The following RBM47 variants were observed in gnomAD, a reference collection of about 807,000 sequenced individuals.
RBM47 encodes RNA-binding protein 47.
Under a neutral mutation model 47.1 loss-of-function variants are expected in RBM47, and 21 were observed. That is an observed-to-expected ratio of 0.45 (90% confidence interval 0.32 to 0.64). The LOEUF (loss-of-function observed/expected upper bound fraction) is 0.64. Ranked by LOEUF, RBM47 falls within the 30% of genes least tolerant of loss-of-function variation. The pLI, the probability that RBM47 is intolerant of heterozygous loss-of-function variation, is 0.05. For missense variants in RBM47, 708 were observed against 870.9 expected, an observed-to-expected ratio of 0.81 and a Z score of 2.35; for synonymous variants, 375 against 361.7, an observed-to-expected ratio of 1.04 and a Z score of -0.42.
At chr4:40,593,933 C>T (rs1452641202) in intron 1 of RBM47, among the ~76,000 whole-genome samples, 1 of 151,006 alleles carries the variant, frequency 6.6e-6, no homozygotes. Flanking sequence ...GCCTGTAATC[C>T]CAGCTACTCA....
In RBM47 at chr4:40,432,539, G is replaced by A. The variant is rs1051371940; in HGVS notation, c.1542+112C>T. ...AAATGCTTTGTGTCACCCAACCATA[G>A]CTGTAACAGAGAGCCAGGCACACAG... On this transcript the variant is annotated intron_variant, in intron 6 of 6. Coordinates refer to ENST00000295971, the MANE Select transcript of RBM47 (RefSeq NM_001098634.2). 1.0e-5 allele frequency: 16 copies of A among 1,527,402 alleles called. No individual in the cohort carries two copies. In the East Asian group the frequency reaches 1.2e-4, roughly 11 times the overall value. 94.6% of individuals were successfully genotyped at this position (1,527,402 alleles called of 1,614,324 possible).
intron 3 of RBM47, among the ~76,000 whole-genome samples, chr4:40,450,098 G>A (rs1325312429): frequency 5.3e-5 from 8 of 152,136 alleles, no homozygotes; most frequent in African/African-American, 1.4e-4. Flanking sequence ...CCGGGCCAAC[G>A]TTTTTCCAAT....
chr4:40,464,951 G>T (rs1388880379), intron 3 of RBM47, among the ~76,000 whole-genome samples: 1 of 143,670 alleles, frequency 7.0e-6, no homozygotes, highest in Non-Finnish European at 1.5e-5. Context: ...CAAAATCAGA[G>T]TAAATACACC....
intron 1 of RBM47, among the ~76,000 whole-genome samples, chr4:40,610,774 G>A (rs911127938): frequency 2.6e-5 from 4 of 152,044 alleles, no homozygotes; most frequent in East Asian, 1.9e-4. Flanking sequence ...CATGGGGGCC[G>A]GTCTTTTCCA....
intron 2 of RBM47, among the ~76,000 whole-genome samples, chr4:40,512,995 G>C (rs2154254047): frequency 6.6e-6 from 1 of 152,284 alleles, no homozygotes; most frequent in Admixed American, 6.5e-5. Context: ...GTAGTGAAAT[G>C]ACTTTCTGCT....
intron 2 of RBM47, among the ~76,000 whole-genome samples, chr4:40,470,419 G>A (rs1002662789): frequency 6.6e-6 from 1 of 152,118 alleles, no homozygotes. Context: ...CACATGGGGG[G>A]ACTTGAGGGC....
chr4:40,438,881 C>A lies in RBM47; in HGVS notation c.13G>T (p.Asp5Tyr). The change falls in exon 4 of 7, where the codon GAT becomes TAT. Residue 5 changes from aspartate to tyrosine, a missense_variant. Transcript: ENST00000295971. ...TCACTGCTCATGGCTGCGGTGGAAT[C>A]CTCTGCGGTCATAATGTCAAAGGCA... MTAE[D>Y]STAAMSSDSA... 6.4e-7 allele frequency: 1 copy of A among 1,550,660 alleles called. No homozygotes were observed. Among genetic ancestry groups the A allele is most frequent in the Non-Finnish European group, 8.7e-7 (1 of 1,153,966 alleles).
At chr4:40,449,540 C>A (rs561091048) in intron 3 of RBM47, among the ~76,000 whole-genome samples, 6 of 152,292 alleles carry the variant, frequency 3.9e-5, no homozygotes, top group South Asian at 4.1e-4. Context: ...CCTGAGAATG[C>A]GGCCTTTTGC....
intron 2 of RBM47, among the ~76,000 whole-genome samples, chr4:40,530,005 G>A (rs1164995655): frequency 8.0e-6 from 1 of 124,352 alleles, no homozygotes; most frequent in Non-Finnish European, 1.6e-5. Flanking sequence ...GTGTGATCTC[G>A]GCTCACTGCA....
At chr4:40,430,685 G>A (rs1011051780) in intron 6 of RBM47, among the ~76,000 whole-genome samples, 11 of 152,184 alleles carry the variant, frequency 7.2e-5, no homozygotes, top group African/African-American at 1.9e-4. Flanking sequence ...AGGGTCACAG[G>A]CCTGGCTCTG....
chr4:40,476,487 T>C (rs1253836590), intron 2 of RBM47, among the ~76,000 whole-genome samples: 1 of 151,568 alleles, frequency 6.6e-6, no homozygotes, highest in East Asian at 2.0e-4. Context: ...TCATAAGAAG[T>C]GGAGACAAGT....
intron 6 of RBM47, among the ~76,000 whole-genome samples, chr4:40,428,344 T>C (rs949965874): frequency 1.6e-4 from 24 of 152,190 alleles, no homozygotes; most frequent in African/African-American, 4.3e-4. Context: ...TGTGGAAGTG[T>C]TAAATGACCT....
chr4:40,459,099 A>T (rs1716717050), intron 3 of RBM47, among the ~76,000 whole-genome samples: 1 of 152,236 alleles, frequency 6.6e-6, no homozygotes, highest in African/African-American at 2.4e-5. Flanking sequence ...GTGATTTTAG[A>T]TATTAAAGGC....
At chr4:40,480,455 TCTAC>T (rs1414751582) in intron 2 of RBM47, among the ~76,000 whole-genome samples, 2 of 152,184 alleles carry the variant, frequency 1.3e-5, no homozygotes, top group African/African-American at 2.4e-5. Flanking sequence ...TAGCTACCTC[TCTAC>T]CTACCTACCC....
chr4:40,592,865 A>G (rs757568363), intron 1 of RBM47, among the ~76,000 whole-genome samples: 3 of 143,952 alleles, frequency 2.1e-5, no homozygotes, highest in Non-Finnish European at 3.0e-5. Context: ...TGAAACTGAA[A>G]TGGCATCTGA....
At chr4:40,597,510 A>C (rs868729710) in intron 1 of RBM47, among the ~76,000 whole-genome samples, 59 of 152,052 alleles carry the variant, frequency 3.9e-4, no homozygotes, top group South Asian at 3.7e-3. Context: ...TGAACCCAGG[A>C]GGCGGAGGTT....
chr4:40,457,954 A>C (rs1310020057), intron 3 of RBM47, among the ~76,000 whole-genome samples: 2 of 152,196 alleles, frequency 1.3e-5, no homozygotes, highest in Non-Finnish European at 2.9e-5. Flanking sequence ...CCTCTAATAA[A>C]GTCAAATAAA....
At chr4:40,444,826 G>A (rs980957050) in intron 3 of RBM47, among the ~76,000 whole-genome samples, 2 of 151,594 alleles carry the variant, frequency 1.3e-5, no homozygotes, top group Non-Finnish European at 2.9e-5. Context: ...CATCATGTCC[G>A]GTTAATTTTT....
At chr4:40,462,152 C>T (rs767640548) in intron 3 of RBM47, among the ~76,000 whole-genome samples, 3 of 151,990 alleles carry the variant, frequency 2.0e-5, no homozygotes, top group Admixed American at 6.6e-5. Flanking sequence ...CTAGGCGAGG[C>T]GGGTTACACA....
Sources: allele counts gnomAD v4.1 joint callset (sites outside exome capture counted in the v4.1 genomes callset), GRCh38; gene constraint gnomAD v4.1.1; transcripts MANE v1.5; gene names NCBI Gene and HGNC (gene_info 2026-07-23, HGNC 2026-07-21).